Variants in TMEM132A observed in about 807,000 individuals in gnomAD.
TMEM132A encodes the protein GRP78-binding protein.
In TMEM132A, 48 loss-of-function variants were observed where a neutral mutation model predicts 69.9. The observed-to-expected ratio is 0.69, with a 90% CI of 0.55 to 0.87. The LOEUF is 0.87. Among genes scored for constraint, TMEM132A ranks in the 40% least tolerant of loss-of-function variants. TMEM132A has a pLI of 0.00. For missense variants in TMEM132A, 1,287 were observed against 1,407.2 expected (o/e 0.91, Z 1.37); for synonymous variants, 577 against 613.7 (o/e 0.94, Z 0.88).
At position 60,936,331 on chromosome 11, in the gene TMEM132A, G is replaced by A. The variant is rs748766479; in HGVS notation, c.2496G>A (p.Glu832=). ...ETEAREEEEE[E]EEEMVPAPQH... is the part of the protein sequence containing the mutation. ...AAGCCAGGGAGGAGGAGGAGGAAGA[G>A]GAGGAGGAGATGGTCCCTGCCCCTC... The change falls in exon 11 of 11, where the codon GAG becomes GAA. Residue 832 remains glutamate, a synonymous_variant. Transcript: ENST00000453848. The A allele has an allele frequency of 3.1e-6, 5 of 1,612,878 alleles. No homozygotes were observed. The highest frequency in any genetic ancestry group is 1.7e-5 in the Admixed American group (1 of 60,012).
chr11:60,926,761 A>C, intron 1 of TMEM132A: 1 of 247,338 alleles, frequency 4.0e-6, no homozygotes, highest in Non-Finnish European at 8.0e-6. Context: ...GTGGATGCCC[A>C]GCAGAGCCTG....
At position 60,933,596 on chromosome 11, in the gene TMEM132A, C is replaced by CCGG; in HGVS notation, c.1411_1412insCGG (p.Arg471delinsProGly). 6.2e-7 allele frequency: 1 copy of CCGG among 1,607,248 alleles called. No homozygotes were observed. Among genetic ancestry groups the CCGG allele is most frequent in the Non-Finnish European group, 8.5e-7 (1 of 1,179,270 alleles). On this transcript the variant is annotated protein_altering_variant, in exon 8 of 11. Coordinates refer to ENST00000453848, the MANE Select transcript of TMEM132A (RefSeq NM_178031.3). ...GGCTGGCAAGGAGAGCCGGGGCGCC[C>CCGG]GGGGGGTGCGAGTGGACTTCTGGTG...
At chr11:60,927,176 A>C in intron 1 of TMEM132A, 28 bp from the exon 2 acceptor site, 9 of 1,553,358 alleles carry the variant, frequency 5.8e-6, no homozygotes, top group Middle Eastern at 1.7e-4. Context: ...TGGAGCTGTC[A>C]TCATCTCTCC....
At chr11:60,930,314 T>TG (rs1021113409) in intron 4 of TMEM132A, among the ~76,000 whole-genome samples, 196 bp from the exon 5 acceptor site, 6 of 152,034 alleles carry the variant, frequency 3.9e-5, no homozygotes, top group African/African-American at 1.5e-4. Context: ...GAGGCGTAAG[T>TG]GGTCTTTGGG....
intron 1 of TMEM132A, chr11:60,926,653 C>G: frequency 5.7e-6 from 1 of 174,546 alleles, no homozygotes; most frequent in Non-Finnish European, 1.2e-5. Context: ...CGCGCCCGCC[C>G]ATCCCACACT....
In TMEM132A at chr11:60,927,573, G is replaced by T. The variant is rs1856373736; in HGVS notation, c.316-68G>T. ...TAAAGGTTCTCTTCTGCCAAGCTGGGATCCCATCTTCCTAGATCTTCCCCT... is the reference window on the plus strand; with the variant it reads ...TAAAGGTTCTCTTCTGCCAAGCTGGTATCCCATCTTCCTAGATCTTCCCCT... On this transcript the variant is annotated intron_variant, in intron 2 of 10. Transcript: ENST00000453848. The T allele has an allele frequency of 2.7e-6, 4 of 1,485,586 alleles. No individual in the cohort carries two copies. In the South Asian group the frequency reaches 3.7e-5, roughly 14 times the overall value. The allele number at this position is 1,485,586 out of a possible 1,614,324, so 92.0% of individuals were successfully genotyped here. A position where few individuals can be genotyped will look rare whatever the true frequency, so the allele number is the denominator to read the frequency against.
chr11:60,930,431 G>GC, intron 4 of TMEM132A, 79 bp from the exon 5 acceptor site: 1 of 1,478,788 alleles, frequency 6.8e-7, no homozygotes, highest in African/African-American at 1.4e-5. Context: ...GATGGCTTTG[G>GC]CTCCTTGTCT....
At position 60,930,413 on chromosome 11, in the gene TMEM132A, G is replaced by A. The variant is rs560188216; in HGVS notation, c.867-97G>A. ...AAGAGGAGATTCAGACTGGAGCCAG[G>A]GAGGTCAGATGGCTTTGGCTCCTTG... On this transcript the variant is annotated intron_variant, in intron 4 of 10. Transcript: ENST00000453848. 2.0e-3 allele frequency: 2,786 copies of A among 1,383,788 alleles called. 5 individuals are homozygous for A. Among genetic ancestry groups the A allele is most frequent in the Non-Finnish European group, 2.4e-3 (2,490 of 1,032,900 alleles). 85.7% of individuals were successfully genotyped at this position (1,383,788 alleles called of 1,614,324 possible). A position where few individuals can be genotyped will look rare whatever the true frequency, so the allele number is the denominator to read the frequency against.
chr11:60,926,675 CCAGTCGGTT>C, intron 1 of TMEM132A: 1 of 189,000 alleles, frequency 5.3e-6, no homozygotes, highest in South Asian at 1.1e-4. Flanking sequence ...GCACTCGATA[CCAGTCGGTT>C]CAGGGAAGAA....
At position 60,927,309 on chromosome 11, in the gene TMEM132A, C is replaced by A. The variant is rs780761157; in HGVS notation, c.206C>A (p.Pro69His). Residue 69 changes from proline to histidine, a missense_variant, in exon 2 of 11, where the codon CCT (proline) becomes CAT (histidine). Physicochemically the swap from Pro to His is moderately conservative, Grantham distance 77 (BLOSUM62 -2). Transcript: ENST00000453848. The part of the protein sequence containing the change: ...FRVQQVGHYP[P>H]ANSSLSSRSE... ...GTGCAGCAGGTGGGCCACTACCCAC[C>A]TGCCAACTCCTCTCTGAGCTCCCGA... 11 of 1,613,400 alleles carry A rather than the reference C, an allele frequency of 6.8e-6. No homozygotes were observed. In the East Asian group the frequency reaches 2.5e-4, roughly 36 times the overall value.
At chr11:60,934,404 A>T (rs1856544945) in intron 8 of TMEM132A, 84 bp from the exon 9 acceptor site, 9 of 1,223,454 alleles carry the variant, frequency 7.4e-6, no homozygotes, top group Non-Finnish European at 9.4e-6. Flanking sequence ...GCCGGGGACG[A>T]GCTGCGGGTC....
Position 60,930,507 on chromosome 11 carries a change from C to A in TMEM132A, c.867-3C>A. The A allele has an allele frequency of 2.5e-6, 4 of 1,597,732 alleles. 1 individual carries two copies. The South Asian group carries it at 4.5e-5, about 18-fold the overall frequency. On this transcript the variant is annotated splice_polypyrimidine_tract_variant and splice_region_variant and intron_variant, in intron 4 of 10. Coordinates refer to ENST00000453848, the MANE Select transcript of TMEM132A (RefSeq NM_178031.3). The stretch of plus-strand genomic sequence containing the variant: ...CAAACTGAGCCTATACTCTCTTCCC[C>A]AGGATCAAGGTGAAGAAGGGGCTGC...
chr11:60,931,569 TA>T, intron 5 of TMEM132A, 119 bp from the exon 6 acceptor site: 1 of 1,018,946 alleles, frequency 9.8e-7, no homozygotes, highest in Non-Finnish European at 1.5e-6. Flanking sequence ...GTGAGCTATG[TA>T]ACCTCTGTGC....
rs748357375 is a variant in TMEM132A at position 60,933,673 on chromosome 11, G to A, written c.1488G>A (p.Pro496=). The change falls in exon 8 of 11, where the codon CCG becomes CCA. Residue 496 remains proline (P), a synonymous_variant. Coordinates refer to ENST00000453848, the MANE Select transcript of TMEM132A (RefSeq NM_178031.3). ...LRLTVWAPLL[P]LRIELTDTTL... ...TGACCGTGTGGGCCCCCCTGCTACCGCTGCGTATCGAGCTCACCGACACCA... is the reference window on the plus strand; with the variant it reads ...TGACCGTGTGGGCCCCCCTGCTACCACTGCGTATCGAGCTCACCGACACCA... 1.0e-5 allele frequency: 16 copies of A among 1,604,468 alleles called. No individual in the cohort carries two copies. The highest frequency in any genetic ancestry group is 1.7e-5 in the Admixed American group (1 of 59,346).
Position 60,931,866 on chromosome 11 carries a change from C to T in TMEM132A, c.1194C>T (p.Ala398=), listed in dbSNP as rs3178315. 3 of 1,614,094 alleles carry T rather than the reference C, an allele frequency of 1.9e-6. No homozygotes were observed. The highest frequency in any genetic ancestry group is 1.7e-5 in the Admixed American group (1 of 60,012). Residue 398 remains alanine, a synonymous_variant, in exon 6 of 11, where the codon GCC becomes GCT. Transcript: ENST00000453848. ...EILVSERDIR[A]LIPLAKAEEL... ...TGGTGTCTGAGCGGGACATCAGAGC[C>T]CTTATCCCACTGGCCAAGGTAAGGA...
rs1590633325 is a variant in TMEM132A at position 60,937,030 on chromosome 11, C to T, written c.*123C>T. The stretch of plus-strand genomic sequence containing the variant: ...GATCCAAGTCCCCTGCCTGGTCCCC[C>T]ACAAGGACTCCCATCCAGGCCCCCT... On this transcript the variant is annotated 3_prime_UTR_variant, in exon 11 of 11. Transcript: ENST00000453848. 7.1e-6 allele frequency: 9 copies of T among 1,273,880 alleles called. No homozygotes were observed. The highest frequency in any genetic ancestry group is 9.5e-6 in the Non-Finnish European group (9 of 948,762). The allele number at this position is 1,273,880 out of a possible 1,614,324, so 78.9% of individuals were successfully genotyped here.
At chr11:60,929,545 C>T (rs1290920795) in intron 4 of TMEM132A, among the ~76,000 whole-genome samples, 3 of 152,166 alleles carry the variant, frequency 2.0e-5, no homozygotes, top group African/African-American at 7.2e-5. Flanking sequence ...TGGAGTCCAG[C>T]GCAGGAATCC....
At chr11:60,933,927 C>A in intron 8 of TMEM132A, 183 bp downstream of exon 8, 1 of 600,712 alleles carries the variant, frequency 1.7e-6, no homozygotes, top group South Asian at 2.1e-5. Flanking sequence ...AAATTGCTGA[C>A]TTCCGCATCC....
rs531603570 is a variant in TMEM132A at position 60,936,451 on chromosome 11, C to T, written c.2616C>T (p.Val872=). Residue 872 remains valine (V), a synonymous_variant, in exon 11 of 11, where the codon GTC becomes GTT. Coordinates refer to ENST00000453848, the MANE Select transcript of TMEM132A (RefSeq NM_178031.3). Reference sequence around the variant, plus strand: ...TCTTGGTCAATGGTGTGGTCTTCGTCCTGCGCTATCAGCGCAAAGAACCTC... The same window carrying T: ...TCTTGGTCAATGGTGTGGTCTTCGTTCTGCGCTATCAGCGCAAAGAACCTC... The part of the protein sequence containing the change: ...FIFLVNGVVF[V]LRYQRKEPPD... The T allele has an allele frequency of 1.5e-4, 240 of 1,614,196 alleles. 4 individuals are homozygous for T. The South Asian group carries it at 2.5e-3, about 17-fold the overall frequency.
Sources: gnomAD v4.1 joint callset for allele counts (sites outside exome capture counted in the v4.1 genomes callset) on GRCh38, gnomAD v4.1.1 for gene constraint, MANE v1.5 for transcripts, NCBI Gene and HGNC (gene_info 2026-07-23, HGNC 2026-07-21) for gene names.